COL2A1: variants seen among roughly 807,000 people sequenced by gnomAD.
COL2A1 encodes the protein collagen type II alpha 1 chain, also known as collagen alpha-1(II) chain.
In COL2A1, 28 loss-of-function variants were observed where a neutral mutation model predicts 204.5. That is an observed-to-expected ratio of 0.14 (90% CI 0.10 to 0.19). The LOEUF (loss-of-function observed/expected upper bound fraction) is 0.19. Ranked by LOEUF, COL2A1 falls within the 10% of genes least tolerant of loss-of-function variation. The pLI, the probability that COL2A1 is intolerant of heterozygous loss-of-function variation, is 1.00. For synonymous variants in COL2A1, 708 were observed against 718.7 expected, an observed-to-expected ratio of 0.99 and a Z score of 0.24; for missense variants, 1,388 against 2,027.5, an observed-to-expected ratio of 0.68 and a Z score of 6.06.
At chr12:48,004,588 G>C (rs953162933), upstream of COL2A1, 2 of 353,214 alleles carry the variant, frequency 5.7e-6, no homozygotes, top group African/African-American at 2.2e-5. Flanking sequence ...AACCTGAACC[G>C]CCCGCCCCCG....
chr12:47,983,863 G>A (rs1939237523), intron 29 of COL2A1, 127 bp from the exon 30 acceptor site: 2 of 1,044,474 alleles, frequency 1.9e-6, no homozygotes, highest in South Asian at 1.4e-5. Context: ...CTCAGACAGT[G>A]CATGCATGCC....
rs1938666098 is a variant in COL2A1, at chr12:47,975,609, C to A, written c.3598-4G>T. On this transcript the variant is annotated splice_polypyrimidine_tract_variant and splice_region_variant and intron_variant, in intron 50 of 53. Coordinates refer to ENST00000380518, the MANE Select transcript of COL2A1 (RefSeq NM_001844.5). ...GTCCAGGATTTCCAGGAGGACCCTG[C>A]AGCAGGAAACAGAGAGATCAGCCAG... 1 of 1,599,184 alleles carries A rather than the reference C, an allele frequency of 6.3e-7. No homozygotes were observed. The highest frequency in any genetic ancestry group is 1.7e-5 in the Admixed American group (1 of 59,950).
Position 47,995,255 on chromosome 12 carries a change from A to G in COL2A1, c.762T>C (p.Asp254=). Reference sequence around the variant, plus strand: ...CATTTGTCTACTCGTGTATACTCACATCATCACCAGGCTTTCCAGGGGGAC... The same window carrying G: ...CATTTGTCTACTCGTGTATACTCACGTCATCACCAGGCTTTCCAGGGGGAC... The part of the protein sequence containing the change: ...PPGPPGKPGD[D]GEAGKPGKAG... The change falls in exon 11 of 54, where the codon GAT becomes GAC. Residue 254 remains aspartate, a splice_region_variant and synonymous_variant. Coordinates refer to ENST00000380518, the MANE Select transcript of COL2A1 (RefSeq NM_001844.5). The G allele has an allele frequency of 6.2e-7, 1 of 1,613,030 alleles. No individual in the cohort carries two copies. Among genetic ancestry groups the G allele is most frequent in the Non-Finnish European group, 8.5e-7 (1 of 1,178,956 alleles).
intron 1 of COL2A1, among the ~76,000 whole-genome samples, chr12:48,003,829 C>G (rs1315300403): frequency 6.6e-6 from 1 of 152,170 alleles, no homozygotes. Flanking sequence ...CCTACTTCAC[C>G]TAAGTTCGAT....
Position 47,979,364 on chromosome 12 carries a change from TC to T in COL2A1, c.2733+146del. On this transcript the variant is annotated intron_variant, in intron 41 of 53. Coordinates refer to ENST00000380518, the MANE Select transcript of COL2A1 (RefSeq NM_001844.5). ...CCCCCAGCCACCCTCAGGGGATAGG[TC>T]CCCATGATCAGTTAGCTACTCCTCC... 2 of 849,566 alleles carry T rather than the reference TC, an allele frequency of 2.4e-6. 1 individual carries two copies. Among genetic ancestry groups the T allele is most frequent in the South Asian group, 2.8e-5 (2 of 72,046 alleles). The allele number at this position is 849,566 out of a possible 1,614,324, so 52.6% of individuals were successfully genotyped here.
chr12:47,998,486 T>C, intron 2 of COL2A1, 55 bp from the exon 3 acceptor site: 1 of 1,578,250 alleles, frequency 6.3e-7, no homozygotes, highest in Non-Finnish European at 8.7e-7. Context: ...GATGGAAAAA[T>C]ACCTATTCTT....
Position 47,984,120 on chromosome 12 carries a change from A to C in COL2A1, c.1908T>G (p.Gly636=), listed in dbSNP as rs998916250. 1 of 1,613,442 alleles carries C rather than the reference A, an allele frequency of 6.2e-7. No homozygotes were observed. ...CAGGGGGTCCTGCAGCACCTGTCTC[A>C]CCATCTTTGCCAGGAAGACCCTAGA... ...PGLRGLPGKD[G]ETGAAGPPGP... Residue 636 remains glycine (G), a synonymous_variant, in exon 29 of 54, where the codon GGT becomes GGG. Transcript: ENST00000380518.
At position 47,975,312 on chromosome 12, in the gene COL2A1, C is replaced by T. The variant is rs2136510740; in HGVS notation, c.3886+5G>A. On this transcript the variant is annotated splice_donor_5th_base_variant and intron_variant, in intron 51 of 53. Coordinates refer to ENST00000380518, the MANE Select transcript of COL2A1 (RefSeq NM_001844.5). ...GGGGCAGGGGATCCTGTTCTCCAAG[C>T]TTACCACTCTTCCACTCAGGGTGGC... The T allele has an allele frequency of 6.2e-7, 1 of 1,613,720 alleles. No homozygotes were observed. Among genetic ancestry groups the T allele is most frequent in the Non-Finnish European group, 8.5e-7 (1 of 1,179,936 alleles).
At chr12:47,975,263 C>T (rs561122180) in intron 51 of COL2A1, 54 bp downstream of exon 51, 11 of 1,603,532 alleles carry the variant, frequency 6.9e-6, no homozygotes, top group Admixed American at 6.7e-5. Flanking sequence ...GCTGCTAGGC[C>T]TAAGGGATGA....
At position 47,985,104 on chromosome 12, in the gene COL2A1, G is replaced by A; in HGVS notation, c.1735-11C>T. ...TTCACCAGGGGCTCCCTGAAAGACA[G>A]AACACCATTCTCAGAACATAGACAC... On this transcript the variant is annotated splice_polypyrimidine_tract_variant and intron_variant, in intron 26 of 53. Coordinates refer to ENST00000380518, the MANE Select transcript of COL2A1 (RefSeq NM_001844.5). 1 of 1,605,062 alleles carries A rather than the reference G, an allele frequency of 6.2e-7. No homozygotes were observed. Among genetic ancestry groups the A allele is most frequent in the Admixed American group, 1.7e-5 (1 of 59,736 alleles).
rs41272759 is a variant in COL2A1 at position 47,976,793 on chromosome 12, C to T, written c.3435+19G>A. ...TGGCAGGAGGCCTCGGGAAGTCCCACGCAGGCAGTGACACTCACAGGAGGG... is the reference window on the plus strand; with the variant it reads ...TGGCAGGAGGCCTCGGGAAGTCCCATGCAGGCAGTGACACTCACAGGAGGG... On this transcript the variant is annotated intron_variant, in intron 48 of 53. Coordinates refer to ENST00000380518, the MANE Select transcript of COL2A1 (RefSeq NM_001844.5). This position sits in a 1 kb window ranked among gnomAD's most constrained non-coding sequence, Gnocchi z 4.3. The T allele has an allele frequency of 2.5e-6, 4 of 1,604,908 alleles. No homozygotes were observed. The highest frequency in any genetic ancestry group is 4.5e-5 in the East Asian group (2 of 44,710).
intron 50 of COL2A1, 52 bp from the exon 51 acceptor site, chr12:47,975,657 A>AT: frequency 6.4e-7 from 1 of 1,571,648 alleles, no homozygotes; most frequent in Non-Finnish European, 8.6e-7. Flanking sequence ...GTGCCCCTCC[A>AT]TGTCCATCCC....
rs1279301833 is a variant in COL2A1 at position 47,987,047 on chromosome 12, G to A, written c.1365+31C>T. On this transcript the variant is annotated intron_variant, in intron 21 of 53. Coordinates refer to ENST00000380518, the MANE Select transcript of COL2A1 (RefSeq NM_001844.5). The surrounding 1 kb of genome is among the most constrained non-coding windows in gnomAD (Gnocchi z 4.1). ...ATGGGGTTTGACTCCAGAGATGTCAGTGGAACTTGGGGGTCACTTTGGGCT... is the reference window on the plus strand; with the variant it reads ...ATGGGGTTTGACTCCAGAGATGTCAATGGAACTTGGGGGTCACTTTGGGCT... 2 of 1,604,328 alleles carry A rather than the reference G, an allele frequency of 1.2e-6. No homozygotes were observed. The highest frequency in any genetic ancestry group is 2.2e-5 in the East Asian group (1 of 44,834).
At chr12:48,005,322 C>G (rs967541134), upstream of COL2A1, 2 of 152,766 alleles carry the variant, frequency 1.3e-5, no homozygotes, top group African/African-American at 4.8e-5. Context: ...TGCAAGCTGC[C>G]TGCTGTGGGG....
At position 47,974,123 on chromosome 12, in the gene COL2A1, C is replaced by T; in HGVS notation, c.4283G>A (p.Arg1428Lys). Residue 1428 changes from arginine (R) to lysine (K), a missense_variant, in exon 53 of 54, where the codon AGG becomes AAG. Physicochemically the swap from Arg to Lys is conservative, Grantham distance 26. This residue lies in a region of COL2A1 where 303 missense variants were observed against 369.2 expected (regional missense o/e 0.82). Coordinates refer to ENST00000380518, the MANE Select transcript of COL2A1 (RefSeq NM_001844.5). The part of the protein sequence containing the change: ...DVEIRAEGNS[R>K]FTYTALKDGC... ...ATCCTTCAGGGCAGTGTACGTGAAC[C>T]TGCTATTGCCCTCTGCCCGGATCTC... 6.2e-7 allele frequency: 1 copy of T among 1,613,996 alleles called. No individual in the cohort carries two copies.
intron 2 of COL2A1, 116 bp from the exon 3 acceptor site, chr12:47,998,547 A>C: frequency 8.8e-7 from 1 of 1,138,580 alleles, no homozygotes; most frequent in Non-Finnish European, 1.3e-6. Flanking sequence ...CAATCAAGGA[A>C]GGCGGCAGCT....
rs1333864675 is a variant in COL2A1 at position 47,980,854 on chromosome 12, G to A, written c.2517+61C>T. ...TCCCTGACAAGCTCCGATGCCCGAG[G>A]GTGCTGGATGTGGAACTGGCCTGAG... On this transcript the variant is annotated intron_variant, in intron 38 of 53. Transcript: ENST00000380518. This position sits in a 1 kb window ranked among gnomAD's most constrained non-coding sequence, Gnocchi z 4.5. 8 of 1,537,294 alleles carry A rather than the reference G, an allele frequency of 5.2e-6. No individual in the cohort carries two copies. The highest frequency in any genetic ancestry group is 6.2e-6 in the Non-Finnish European group (7 of 1,133,946).
chr12:47,989,273 G>A lies in COL2A1; in HGVS notation c.1077C>T (p.Val359=), dbSNP rs202002349. The A allele has an allele frequency of 1.6e-4, 257 of 1,612,776 alleles. 3 individuals are homozygous for A. Among genetic ancestry groups the A allele is most frequent in the South Asian group, 1.9e-4 (17 of 90,506 alleles). The change falls in exon 18 of 54, where the codon GTC becomes GTT. Residue 359 remains valine, a synonymous_variant. Transcript: ENST00000380518. Reference sequence around the variant, plus strand: ...GGAAGCCAGGACCACCAGCAGGACCGACAGGACCCTGGAGAGAGTAGGCGG... The same window carrying A: ...GGAAGCCAGGACCACCAGCAGGACCAACAGGACCCTGGAGAGAGTAGGCGG... ...QPGPAGPPGP[V]GPAGGPGFPG... is the part of the protein sequence containing the mutation.
Position 47,987,109 on chromosome 12 carries a change from G to C in COL2A1, c.1334C>G (p.Ala445Gly). 1.9e-6 allele frequency: 3 copies of C among 1,614,156 alleles called. No homozygotes were observed. Among genetic ancestry groups the C allele is most frequent in the Non-Finnish European group, 8.5e-7 (1 of 1,180,012 alleles). ...ACCTTTCGGGCCCAGAGGACCAGTT[G>C]CACCTTGAGGGCCAGGAGGGCCCCG... ...GPRGPPGPQG[A>G]TGPLGPKGQT... Residue 445 changes from alanine (A) to glycine (G), a missense_variant, in exon 21 of 54, where the codon GCA (alanine) becomes GGA (glycine). Ala to Gly is a moderately conservative substitution (Grantham distance 60). Around this residue, in one of 3 missense-constraint regions of COL2A1, gnomAD observed 884 missense variants for 1,415.8 expected, o/e 0.62. Coordinates refer to ENST00000380518, the MANE Select transcript of COL2A1 (RefSeq NM_001844.5). This position sits in a 1 kb window ranked among gnomAD's most constrained non-coding sequence, Gnocchi z 4.1.
Sources: allele counts gnomAD v4.1 joint callset (sites outside exome capture counted in the v4.1 genomes callset), GRCh38; gene constraint gnomAD v4.1.1; regional missense constraint gnomAD v4.1.1; non-coding constraint Gnocchi (gnomAD v3.1); transcripts MANE v1.5; gene names NCBI Gene and HGNC (gene_info 2026-07-23, HGNC 2026-07-21).